The following COL23A1 variants were observed in gnomAD, a reference collection of about 807,000 sequenced individuals.
COL23A1 encodes the protein collagen alpha-1(XXIII) chain.
In COL23A1, 97 loss-of-function variants were observed where a neutral mutation model predicts 99.3. The observed-to-expected ratio is 0.98, with a 90% CI of 0.83 to 1.16. The LOEUF (loss-of-function observed/expected upper bound fraction) is 1.16. Ranked by LOEUF, COL23A1 falls within the 50% of genes most tolerant of loss-of-function variation. COL23A1 has a pLI of 0.00. For synonymous variants in COL23A1, 320 were observed against 308.2 expected, an observed-to-expected ratio of 1.04 and a Z score of -0.40; for missense variants, 762 against 757.4, an observed-to-expected ratio of 1.01 and a Z score of -0.07.
intron 2 of COL23A1, among the ~76,000 whole-genome samples, chr5:178,508,992 T>C (rs1396244413): frequency 6.6e-6 from 1 of 152,200 alleles, no homozygotes. Context: ...TTGAAGCCTT[T>C]AAAAATATGT....
At chr5:178,485,645 T>C (rs1757584438) in intron 2 of COL23A1, among the ~76,000 whole-genome samples, 1 of 151,902 alleles carries the variant, frequency 6.6e-6, no homozygotes, top group African/African-American at 2.4e-5. Flanking sequence ...CCAGGTGTGT[T>C]GGCATGTGCC....
chr5:178,243,062 C>T (rs1447769117), intron 25 of COL23A1, among the ~76,000 whole-genome samples: 3 of 152,096 alleles, frequency 2.0e-5, no homozygotes, highest in Non-Finnish European at 4.4e-5. Context: ...TGGTGATGCG[C>T]GCCTGTAATC....
intron 2 of COL23A1, among the ~76,000 whole-genome samples, chr5:178,482,673 C>T (rs1308151648): frequency 1.3e-5 from 2 of 151,370 alleles, no homozygotes; most frequent in Admixed American, 6.6e-5. Flanking sequence ...GAGGGCAGAT[C>T]ACGAGGTCAG....
At chr5:178,268,202 T>C (rs1756019470) in intron 7 of COL23A1, among the ~76,000 whole-genome samples, 3 of 152,208 alleles carry the variant, frequency 2.0e-5, no homozygotes, top group Admixed American at 2.0e-4. Flanking sequence ...CTAGGCCTAC[T>C]CTGGTCCCTC....
At chr5:178,534,223 T>C (rs745513692) in intron 2 of COL23A1, among the ~76,000 whole-genome samples, 14 of 152,126 alleles carry the variant, frequency 9.2e-5, no homozygotes, top group Admixed American at 1.3e-4. Context: ...TGAGTCCTCA[T>C]AGACAACCAT....
At chr5:178,557,536 T>C (rs1038833754) in intron 2 of COL23A1, among the ~76,000 whole-genome samples, 5 of 152,138 alleles carry the variant, frequency 3.3e-5, no homozygotes, top group Non-Finnish European at 5.9e-5. Flanking sequence ...AGCCTCGCAA[T>C]GGGTGGCACA....
rs766081769 is a variant in COL23A1 at position 178,358,681 on chromosome 5, GTA to G, written c.362-51764_362-51763del. 6.9e-5 allele frequency among the ~76,000 whole-genome samples: 10 copies of G among 144,310 alleles called. No homozygotes were observed. The East Asian group carries it at 8.5e-4, about 12-fold the overall frequency. 94.7% of individuals were successfully genotyped at this position (144,310 alleles called of 152,430 possible). On this transcript the variant is annotated intron_variant, in intron 2 of 28. Coordinates refer to ENST00000390654, the MANE Select transcript of COL23A1 (RefSeq NM_173465.4). The stretch of plus-strand genomic sequence containing the variant: ...GTGTGTATGTGTCTAATGTGTATGT[GTA>G]TGTGTGTGTATGTATGTGTATGTGT...
At chr5:178,314,590 G>A (rs1465532424) in intron 2 of COL23A1, among the ~76,000 whole-genome samples, 2 of 152,114 alleles carry the variant, frequency 1.3e-5, no homozygotes, top group Non-Finnish European at 2.9e-5. Flanking sequence ...CTCTACAAAG[G>A]AGCTGACAGC....
intron 2 of COL23A1, among the ~76,000 whole-genome samples, chr5:178,397,402 C>T (rs941989568): frequency 1.3e-5 from 2 of 152,112 alleles, no homozygotes; most frequent in African/African-American, 2.4e-5. Context: ...ACATATGTTT[C>T]GGGGGAGAAA....
At chr5:178,573,993 G>C (rs921352561) in intron 1 of COL23A1, among the ~76,000 whole-genome samples, 1 of 152,044 alleles carries the variant, frequency 6.6e-6, no homozygotes, top group African/African-American at 2.4e-5. Context: ...TGAGTAGCTG[G>C]GGGTACAGGC....
chr5:178,389,978 A>G (rs1763879411), intron 2 of COL23A1, among the ~76,000 whole-genome samples: 1 of 152,230 alleles, frequency 6.6e-6, no homozygotes, highest in Admixed American at 6.5e-5. Flanking sequence ...GCTCGGCGGC[A>G]GGAGCTAGCA....
intron 3 of COL23A1, among the ~76,000 whole-genome samples, chr5:178,299,412 A>G (rs1386865851): frequency 6.6e-6 from 1 of 152,112 alleles, no homozygotes; most frequent in African/African-American, 2.4e-5. Flanking sequence ...CATTTCACCT[A>G]TGTTATCTAA....
In COL23A1 at chr5:178,306,587, G is replaced by C. The variant is rs73804784; in HGVS notation, c.406+288C>G. On this transcript the variant is annotated intron_variant, in intron 3 of 28. Coordinates refer to ENST00000390654, the MANE Select transcript of COL23A1 (RefSeq NM_173465.4). The surrounding 1 kb of genome is among the most constrained non-coding windows in gnomAD (Gnocchi z 4.1). ...GTCATCACCTTCTGCCTCAGAGAGA[G>C]GGGGCTGCTCTGGAGTGGGGGACTA... Among the ~76,000 whole-genome samples the C allele has an allele frequency of 1.3e-5, 2 of 151,068 alleles. No homozygotes were observed. Among genetic ancestry groups the C allele is most frequent in the African/African-American group, 2.4e-5 (1 of 41,008 alleles).
rs569181086 is a variant in COL23A1 at position 178,564,990 on chromosome 5, G to A, written c.295-4242C>T. Among the ~76,000 whole-genome samples, 6 of 152,308 alleles carry A rather than the reference G, an allele frequency of 3.9e-5. No homozygotes were observed. The East Asian group carries it at 7.7e-4, about 20-fold the overall frequency. ...ATGATATTTATGCAGAAGTTGCACC[G>A]TAAAACAGTGGGAATGGTTTAGTGA... On this transcript the variant is annotated intron_variant, in intron 1 of 28. Transcript: ENST00000390654.
chr5:178,495,761 G>C (rs1758166799), intron 2 of COL23A1, among the ~76,000 whole-genome samples: 1 of 152,136 alleles, frequency 6.6e-6, no homozygotes, highest in Non-Finnish European at 1.5e-5. Context: ...TCAGGAGACA[G>C]GGTAAGTAAA....
At chr5:178,510,910 G>A (rs1269081451) in intron 2 of COL23A1, among the ~76,000 whole-genome samples, 9 of 152,070 alleles carry the variant, frequency 5.9e-5, no homozygotes, top group Non-Finnish European at 4.4e-5. Context: ...GGACTCCCAC[G>A]GAGCCATGTG....
At chr5:178,358,065 ATTGT>A in intron 2 of COL23A1, among the ~76,000 whole-genome samples, 1 of 121,282 alleles carries the variant, frequency 8.2e-6, no homozygotes, top group African/African-American at 3.2e-5. Context: ...ATGTATGTGT[ATTGT>A]GTGTATGTGT....
chr5:178,396,853 G>A (rs551331712), intron 2 of COL23A1, among the ~76,000 whole-genome samples: 19 of 152,144 alleles, frequency 1.2e-4, no homozygotes, highest in Non-Finnish European at 2.1e-4. Flanking sequence ...GTCTCTCCCC[G>A]GCGGGCAGGC....
intron 2 of COL23A1, among the ~76,000 whole-genome samples, chr5:178,348,428 C>T (rs1370218048): frequency 1.3e-5 from 2 of 152,196 alleles, no homozygotes; most frequent in African/African-American, 4.8e-5. Flanking sequence ...ATCCTGTCTC[C>T]CCCACCCCCA....
Sources: allele counts gnomAD v4.1 joint callset (sites outside exome capture counted in the v4.1 genomes callset), GRCh38; gene constraint gnomAD v4.1.1; non-coding constraint Gnocchi (gnomAD v3.1); transcripts MANE v1.5; gene names NCBI Gene and HGNC (gene_info 2026-07-23, HGNC 2026-07-21).